Variants in NRXN1 observed in about 807,000 individuals in gnomAD.
NRXN1 encodes neurexin-1.
NRXN1 carries 39 observed loss-of-function variants against 150.9 expected under a neutral mutation model. The ratio of observed to expected loss-of-function variants is 0.26; its 90% CI spans 0.20 to 0.34. NRXN1 has a LOEUF of 0.34. Among genes scored for constraint, NRXN1 ranks in the 10% least tolerant of loss-of-function variants. The pLI is 1.00. For synonymous variants in NRXN1, 924 were observed against 757.0 expected (o/e 1.22, Z -3.62); for missense variants, 1,815 against 1,949.9 (o/e 0.93, Z 1.30).
At chr2:50,960,664 G>C (rs922683552) in intron 2 of NRXN1, among the ~76,000 whole-genome samples, 5 of 151,862 alleles carry the variant, frequency 3.3e-5, no homozygotes, top group Non-Finnish European at 7.4e-5. Context: ...TCTCAGGCGT[G>C]AACTTGCAGA....
intron 5 of NRXN1, among the ~76,000 whole-genome samples, chr2:50,868,133 A>G (rs1677200606): frequency 8.1e-6 from 1 of 124,010 alleles, no homozygotes; most frequent in Non-Finnish European, 1.7e-5. Context: ...GAATGGATAA[A>G]CAAAATATTA....
chr2:50,697,341 A>G (rs1222570541), intron 5 of NRXN1, among the ~76,000 whole-genome samples: 3 of 152,222 alleles, frequency 2.0e-5, no homozygotes, highest in Admixed American at 2.0e-4. Flanking sequence ...ATGATGTCTA[A>G]GAGAGAGGAT....
At chr2:50,996,718 A>G (rs1575165325) in intron 2 of NRXN1, among the ~76,000 whole-genome samples, 1 of 152,022 alleles carries the variant, frequency 6.6e-6, no homozygotes. Context: ...ACTTATTCAA[A>G]TGCAGAAAAC....
intron 17 of NRXN1, among the ~76,000 whole-genome samples, chr2:50,302,447 T>C (rs1276203098): frequency 1.3e-5 from 2 of 152,194 alleles, no homozygotes; most frequent in African/African-American, 4.8e-5. Flanking sequence ...CAATCATCTT[T>C]ATTGACAGTT....
At chr2:50,129,099 G>A (rs1364998456) in intron 18 of NRXN1, among the ~76,000 whole-genome samples, 1 of 152,116 alleles carries the variant, frequency 6.6e-6, no homozygotes, top group Non-Finnish European at 1.5e-5. Context: ...CTATGATTTT[G>A]CTGATCTCTT....
At chr2:50,066,757 A>C (rs1217189384) in intron 19 of NRXN1, among the ~76,000 whole-genome samples, 1 of 152,238 alleles carries the variant, frequency 6.6e-6, no homozygotes, top group Admixed American at 6.5e-5. Context: ...GAAAATCGGC[A>C]AGAATTTGAG....
At chr2:49,980,234 C>T (rs550620102) in intron 21 of NRXN1, among the ~76,000 whole-genome samples, 40 of 152,258 alleles carry the variant, frequency 2.6e-4, no homozygotes, top group Admixed American at 5.2e-4. Context: ...ACAAGGCACA[C>T]GTTAAACATC....
chr2:50,841,990 G>A (rs1281677717), intron 5 of NRXN1, among the ~76,000 whole-genome samples: 1 of 152,172 alleles, frequency 6.6e-6, no homozygotes, highest in Non-Finnish European at 1.5e-5. Context: ...TATATGCAAA[G>A]TGTCTTTCAT....
At chr2:50,599,524 T>C (rs1420036364) in intron 8 of NRXN1, among the ~76,000 whole-genome samples, 2 of 152,170 alleles carry the variant, frequency 1.3e-5, no homozygotes, top group African/African-American at 2.4e-5. Flanking sequence ...AAAGAAAACA[T>C]ACTTGGGAAT....
At chr2:50,013,642 T>G (rs1446980024) in intron 21 of NRXN1, among the ~76,000 whole-genome samples, 1 of 152,160 alleles carries the variant, frequency 6.6e-6, no homozygotes. Flanking sequence ...TTGAAATGTA[T>G]GCTACTGCTT....
chr2:50,346,923 G>A lies in NRXN1; in HGVS notation c.3365-109953C>T, dbSNP rs1244872146. On this transcript the variant is annotated intron_variant, in intron 17 of 22. Coordinates refer to ENST00000401669, the MANE Select transcript of NRXN1 (RefSeq NM_001330078.2). This position sits in a 1 kb window ranked among gnomAD's most constrained non-coding sequence, Gnocchi z 5.0. ...CGCCCCCGGGCGAGCCCAGCTCGGC[G>A]CCGCACCGGAGCATCCTCTGGTACA... is the stretch of plus-strand genomic sequence containing the variant. 1 of 1,309,798 alleles carries A rather than the reference G, an allele frequency of 7.6e-7. No homozygotes were observed. The highest frequency in any genetic ancestry group is 9.7e-7 in the Non-Finnish European group (1 of 1,028,816). The allele number at this position is 1,309,798 out of a possible 1,614,324, so 81.1% of individuals were successfully genotyped here.
intron 20 of NRXN1, among the ~76,000 whole-genome samples, 185 bp downstream of exon 20, chr2:50,054,770 A>T: frequency 1.3e-5 from 2 of 152,282 alleles, no homozygotes; most frequent in South Asian, 4.1e-4. Context: ...GGTACGTCTA[A>T]AAATGTATAG....
intron 2 of NRXN1, among the ~76,000 whole-genome samples, chr2:50,948,278 T>G (rs1345699150): frequency 6.6e-6 from 1 of 151,956 alleles, no homozygotes; most frequent in African/African-American, 2.4e-5. Context: ...TATGGCAAAA[T>G]TAATAAACTG....
intron 18 of NRXN1, among the ~76,000 whole-genome samples, chr2:50,149,177 C>T (rs2058550665): frequency 6.6e-6 from 1 of 151,624 alleles, no homozygotes; most frequent in African/African-American, 2.4e-5. Flanking sequence ...CTGGAAACAT[C>T]GATGCCATGA....
chr2:50,207,319 C>T (rs1574493533), intron 18 of NRXN1, among the ~76,000 whole-genome samples: 1 of 152,028 alleles, frequency 6.6e-6, no homozygotes, highest in South Asian at 2.1e-4. Context: ...ATTTACCTAC[C>T]TTGTCACAAG....
chr2:50,218,338 G>A (rs1451342524), intron 18 of NRXN1, among the ~76,000 whole-genome samples: 1 of 131,796 alleles, frequency 7.6e-6, no homozygotes, highest in Non-Finnish European at 1.7e-5. Context: ...TTGGGTGACA[G>A]TTAGCTCCCA....
At chr2:50,387,592 G>C (rs2081409656) in intron 17 of NRXN1, among the ~76,000 whole-genome samples, 1 of 152,076 alleles carries the variant, frequency 6.6e-6, no homozygotes, top group South Asian at 2.1e-4. Flanking sequence ...TGCTAAGGTA[G>C]GAGAAGTGAA....
chr2:50,271,334 T>C (rs908759693), intron 17 of NRXN1, among the ~76,000 whole-genome samples: 14 of 152,138 alleles, frequency 9.2e-5, no homozygotes, highest in Non-Finnish European at 1.6e-4. Context: ...TACAGAGGAG[T>C]ATAATTAAGA....
chr2:50,837,185 T>C (rs1237666373), intron 5 of NRXN1, among the ~76,000 whole-genome samples: 1 of 152,150 alleles, frequency 6.6e-6, no homozygotes, highest in South Asian at 2.1e-4. Context: ...GAAAAATGTA[T>C]AATAATTCTT....
Sources: gnomAD v4.1 joint callset for allele counts (sites outside exome capture counted in the v4.1 genomes callset) on GRCh38, gnomAD v4.1.1 for gene constraint, Gnocchi (gnomAD v3.1) non-coding constraint, MANE v1.5 for transcripts, NCBI Gene and HGNC (gene_info 2026-07-23, HGNC 2026-07-21) for gene names.